HCN1: variants seen among roughly 807,000 people sequenced by gnomAD.
HCN1 encodes potassium/sodium hyperpolarization-activated cyclic nucleotide-gated channel 1.
In HCN1, 13 loss-of-function variants were observed where a neutral mutation model predicts 78.9. That is an observed-to-expected ratio of 0.16 (90% CI 0.11 to 0.26). The LOEUF is 0.26. Among genes scored for constraint, HCN1 ranks in the 10% least tolerant of loss-of-function variants. The pLI is 1.00. For synonymous variants in HCN1, 552 were observed against 455.5 expected, an observed-to-expected ratio of 1.21 and a Z score of -2.70; for missense variants, 810 against 1,154.3, an observed-to-expected ratio of 0.70 and a Z score of 4.32.
intron 1 of HCN1, among the ~76,000 whole-genome samples, chr5:45,679,285 G>C (rs976146703): frequency 6.6e-6 from 1 of 151,990 alleles, no homozygotes; most frequent in African/African-American, 2.4e-5. Flanking sequence ...GTTGCTCTAA[G>C]GACTCAGTGA....
chr5:45,603,713 C>T (rs1744671207), intron 2 of HCN1, among the ~76,000 whole-genome samples: 3 of 151,966 alleles, frequency 2.0e-5, no homozygotes, highest in Admixed American at 2.0e-4. Context: ...GAGTGTCATG[C>T]CCAACAGAAT....
intron 2 of HCN1, among the ~76,000 whole-genome samples, chr5:45,560,487 T>A (rs992547450): frequency 1.3e-5 from 2 of 151,980 alleles, no homozygotes; most frequent in African/African-American, 4.8e-5. Context: ...AGATTAACCA[T>A]TAAATCTTTG....
intron 3 of HCN1, among the ~76,000 whole-genome samples, chr5:45,407,518 CTTT>C (rs1015328799): frequency 2.6e-5 from 4 of 151,806 alleles, no homozygotes; most frequent in African/African-American, 7.3e-5. Context: ...CGCAGAGAGG[CTTT>C]TTATTTTTAT....
chr5:45,457,812 A>G (rs1036191413), intron 3 of HCN1, among the ~76,000 whole-genome samples: 3 of 152,104 alleles, frequency 2.0e-5, no homozygotes, highest in African/African-American at 7.2e-5. Context: ...CCAAACTTAT[A>G]TTTATAACTA....
At chr5:45,677,518 T>A (rs1739592959) in intron 1 of HCN1, among the ~76,000 whole-genome samples, 1 of 151,880 alleles carries the variant, frequency 6.6e-6, no homozygotes, top group African/African-American at 2.4e-5. Flanking sequence ...GGGGTTAAAT[T>A]AAATAAATTC....
At chr5:45,655,740 T>C (rs1745752301) in intron 1 of HCN1, among the ~76,000 whole-genome samples, 1 of 152,134 alleles carries the variant, frequency 6.6e-6, no homozygotes. Flanking sequence ...CTTGTCCTTA[T>C]GCCCATATAG....
intron 2 of HCN1, among the ~76,000 whole-genome samples, chr5:45,465,801 A>G (rs1741259015): frequency 6.6e-6 from 1 of 152,142 alleles, no homozygotes; most frequent in Non-Finnish European, 1.5e-5. Flanking sequence ...TTTTCACCAT[A>G]TCTAGACTAC....
chr5:45,569,863 T>C (rs970356151), intron 2 of HCN1, among the ~76,000 whole-genome samples: 8 of 152,084 alleles, frequency 5.3e-5, no homozygotes, highest in African/African-American at 1.9e-4. Flanking sequence ...ATCATCATCC[T>C]ATGATTTGGT....
intron 2 of HCN1, among the ~76,000 whole-genome samples, chr5:45,628,859 G>A (rs1471460883): frequency 6.6e-6 from 1 of 151,824 alleles, no homozygotes; most frequent in Non-Finnish European, 1.5e-5. Context: ...TGTAATCCCA[G>A]CTATGAGGCT....
At chr5:45,569,332 A>G (rs886413493) in intron 2 of HCN1, among the ~76,000 whole-genome samples, 10 of 152,180 alleles carry the variant, frequency 6.6e-5, no homozygotes, top group Non-Finnish European at 1.5e-4. Context: ...TGTTGTAGAT[A>G]AGGAAAAATT....
At chr5:45,263,791 TTTTA>T (rs907680524) in intron 7 of HCN1, among the ~76,000 whole-genome samples, 4 of 151,850 alleles carry the variant, frequency 2.6e-5, no homozygotes, top group African/African-American at 7.2e-5. Context: ...ATTTATTTTA[TTTTA>T]TTTATTTATT....
At chr5:45,285,171 C>T (rs577079403) in intron 6 of HCN1, among the ~76,000 whole-genome samples, 1 of 152,088 alleles carries the variant, frequency 6.6e-6, no homozygotes, top group South Asian at 2.1e-4. Context: ...TTTGCCATCT[C>T]CATCTCAACT....
chr5:45,498,457 C>G (rs543098920), intron 2 of HCN1, among the ~76,000 whole-genome samples: 3 of 151,962 alleles, frequency 2.0e-5, no homozygotes, highest in South Asian at 2.1e-4. Context: ...AAGCACTTCT[C>G]TGTATTGGTT....
At chr5:45,616,692 T>C (rs143558218) in intron 2 of HCN1, among the ~76,000 whole-genome samples, 10 of 152,092 alleles carry the variant, frequency 6.6e-5, no homozygotes, top group Non-Finnish European at 1.2e-4. Flanking sequence ...GAGAAGTTAA[T>C]GAAAAAATAT....
At chr5:45,649,321 T>C (rs1470875414) in intron 1 of HCN1, among the ~76,000 whole-genome samples, 1 of 152,008 alleles carries the variant, frequency 6.6e-6, no homozygotes, top group Non-Finnish European at 1.5e-5. Context: ...AGATTTCTTA[T>C]ATACCTCCTG....
chr5:45,415,286 C>T (rs1740097126), intron 3 of HCN1, among the ~76,000 whole-genome samples: 1 of 151,920 alleles, frequency 6.6e-6, no homozygotes, highest in Non-Finnish European at 1.5e-5. Flanking sequence ...GTTTAACTCC[C>T]TTTCAGTCCA....
At chr5:45,373,558 TTACA>T (rs1747486837) in intron 4 of HCN1, among the ~76,000 whole-genome samples, 1 of 140,230 alleles carries the variant, frequency 7.1e-6, no homozygotes, top group Non-Finnish European at 1.5e-5. Flanking sequence ...ATAATATATA[TTACA>T]TACATTATAT....
chr5:45,512,461 T>C (rs1742434021), intron 2 of HCN1, among the ~76,000 whole-genome samples: 1 of 152,140 alleles, frequency 6.6e-6, no homozygotes, highest in South Asian at 2.1e-4. Flanking sequence ...TTTCCAGACC[T>C]AACTAGTTAT....
chr5:45,344,313 T>G (rs1746651625), intron 5 of HCN1, among the ~76,000 whole-genome samples: 1 of 152,126 alleles, frequency 6.6e-6, no homozygotes, highest in Admixed American at 6.5e-5. Context: ...AGATGAGATT[T>G]GGGTGGGAAC....
Sources: allele counts gnomAD v4.1 joint callset (sites outside exome capture counted in the v4.1 genomes callset), GRCh38; gene constraint gnomAD v4.1.1; transcripts MANE v1.5; gene names NCBI Gene and HGNC (gene_info 2026-07-23, HGNC 2026-07-21).